Variants in MARK4 observed in about 807,000 individuals in gnomAD.
MARK4 encodes the protein microtubule affinity regulating kinase 4, also known as MAP/microtubule affinity-regulating kinase 4.
Under a neutral mutation model 81.5 loss-of-function variants are expected in MARK4, and 19 were observed. The ratio of observed to expected loss-of-function variants is 0.23; its 90% CI spans 0.16 to 0.34. The LOEUF is 0.34. Among genes scored for constraint, MARK4 ranks in the 10% least tolerant of loss-of-function variants. The pLI is 1.00. For missense variants in MARK4, 772 were observed against 1,058.8 expected, an observed-to-expected ratio of 0.73 and a Z score of 3.76; for synonymous variants, 436 against 439.0, an observed-to-expected ratio of 0.99 and a Z score of 0.08.
chr19:45,277,823 TTGTGTGTGTGTGTGTGTGTGTGTGTGTG>T (rs58592372), intron 8 of MARK4, 72 bp from the exon 9 acceptor site: 8 of 735,558 alleles, frequency 1.1e-5, no homozygotes, highest in Middle Eastern at 4.3e-4. Context: ...GGGACAAAGG[TTGTGTGTGTGTGTGTGTGTGTGTGTGTG>T]TGTGTGTGTG....
In MARK4 at chr19:45,276,397, C is replaced by T. The variant is rs574980210; in HGVS notation, c.787-1526C>T. 2.0e-5 allele frequency among the ~76,000 whole-genome samples: 3 copies of T among 152,262 alleles called. No homozygotes were observed. The South Asian group carries it at 6.2e-4, about 32-fold the overall frequency. ...CAAGCTATGGATTTATCTTATTTTT[C>T]ACAGCTTTGGTAGGGCCTCTCATAA... On this transcript the variant is annotated intron_variant, in intron 8 of 16. Coordinates refer to ENST00000262891, the MANE Select transcript of MARK4 (RefSeq NM_001199867.2).
At chr19:45,262,967 G>A in intron 2 of MARK4, 146 bp from the exon 3 acceptor site, 1 of 863,670 alleles carries the variant, frequency 1.2e-6, no homozygotes, top group East Asian at 2.7e-5. Flanking sequence ...GTTTCGTCGT[G>A]TTGACCAGGC....
chr19:45,287,781 C>A, intron 13 of MARK4, 117 bp downstream of exon 13: 2 of 1,167,130 alleles, frequency 1.7e-6, no homozygotes, highest in Non-Finnish European at 2.5e-6. Flanking sequence ...CTTCTTCTAC[C>A]CATTCATTCA....
chr19:45,285,049 C>T (rs944531737), intron 12 of MARK4, among the ~76,000 whole-genome samples: 1 of 151,998 alleles, frequency 6.6e-6, no homozygotes, highest in Admixed American at 6.6e-5. Context: ...CGAGATTGTG[C>T]CATTGCACTT....
intron 14 of MARK4, among the ~76,000 whole-genome samples, chr19:45,296,158 A>G (rs1028350410): frequency 1.2e-4 from 18 of 152,206 alleles, no homozygotes; most frequent in African/African-American, 3.9e-4. Context: ...ACTGTAGTAC[A>G]TGGCCTTCCA....
chr19:45,287,384 C>T, intron 12 of MARK4, 63 bp from the exon 13 acceptor site: 4 of 1,150,816 alleles, frequency 3.5e-6, no homozygotes, highest in Non-Finnish European at 4.7e-6. Flanking sequence ...TTCCAACGAT[C>T]CCCCAGAGTC....
intron 14 of MARK4, among the ~76,000 whole-genome samples, chr19:45,296,831 C>A (rs1439664260): frequency 6.6e-6 from 1 of 152,162 alleles, no homozygotes; most frequent in Non-Finnish European, 1.5e-5. Context: ...CAGTGGATCA[C>A]CTGAGGTGAG....
At chr19:45,295,915 G>C (rs1259113854) in intron 14 of MARK4, among the ~76,000 whole-genome samples, 1 of 151,978 alleles carries the variant, frequency 6.6e-6, no homozygotes, top group Non-Finnish European at 1.5e-5. Context: ...GCTTTTTTTT[G>C]GTGGTTATCA....
chr19:45,293,162 G>A (rs11083768), intron 13 of MARK4, among the ~76,000 whole-genome samples: 46,277 of 151,896 alleles, frequency 0.3, 7,249 homozygotes, highest in South Asian at 0.38. Flanking sequence ...CCAGCTACTC[G>A]GGAGACTAAG....
At chr19:45,300,259 C>T (rs1970950032) in intron 16 of MARK4, among the ~76,000 whole-genome samples, 1 of 142,930 alleles carries the variant, frequency 7.0e-6, no homozygotes, top group African/African-American at 2.5e-5. Flanking sequence ...GCAGGAGAAT[C>T]GCTTGAACCC....
At chr19:45,278,151 GC>G in intron 9 of MARK4, 109 bp downstream of exon 9, 1 of 1,477,942 alleles carries the variant, frequency 6.8e-7, no homozygotes, top group Non-Finnish European at 9.2e-7. Flanking sequence ...CCTCTCCTGT[GC>G]CCACCGAAGA....
Position 45,297,761 on chromosome 19 carries a change from G to C in MARK4, c.1684G>C (p.Gly562Arg). The change falls in exon 15 of 17, where the codon GGT (glycine) becomes CGT (arginine). Residue 562 changes from glycine to arginine, a missense_variant. Transcript: ENST00000262891. ...AGGGGAGCGGAGCCGCCTGGCACGT[G>C]GTTCCACCATCCGCAGCACCTTCCA... ...PSGERSRLAR[G>R]STIRSTFHGG... is the part of the protein sequence containing the mutation. 1 of 1,579,672 alleles carries C rather than the reference G, an allele frequency of 6.3e-7. No homozygotes were observed. Among genetic ancestry groups the C allele is most frequent in the Non-Finnish European group, 8.6e-7 (1 of 1,166,476 alleles).
intron 7 of MARK4, among the ~76,000 whole-genome samples, chr19:45,270,008 A>T (rs1970504665): frequency 6.6e-6 from 1 of 152,006 alleles, no homozygotes; most frequent in South Asian, 2.1e-4. Flanking sequence ...TTGTATTTTC[A>T]GTAGAGACAG....
At chr19:45,282,900 G>T (rs1207886509) in intron 12 of MARK4, among the ~76,000 whole-genome samples, 1 of 152,038 alleles carries the variant, frequency 6.6e-6, no homozygotes, top group Non-Finnish European at 1.5e-5. Context: ...GCTGAGGTAG[G>T]AAGACCACTT....
chr19:45,254,570 T>C (rs941462850), intron 1 of MARK4, among the ~76,000 whole-genome samples: 5 of 152,232 alleles, frequency 3.3e-5, no homozygotes, highest in Non-Finnish European at 4.4e-5. Flanking sequence ...CCCTGTGACC[T>C]TGGGGGAGGG....
In MARK4 at chr19:45,271,469, C is replaced by A. The variant is rs1970525976; in HGVS notation, c.550-3C>A. On this transcript the variant is annotated splice_region_variant and splice_polypyrimidine_tract_variant and intron_variant, in intron 7 of 16. Coordinates refer to ENST00000262891, the MANE Select transcript of MARK4 (RefSeq NM_001199867.2). This position sits in a 1 kb window ranked among gnomAD's most constrained non-coding sequence, Gnocchi z 4.1. ...TTTCCGCCCTCTCCTTCTCTCCCTG[C>A]AGGCTGAGAACCTCTTGCTGGATGC... The A allele has an allele frequency of 1.2e-6, 2 of 1,613,638 alleles. No homozygotes were observed. Among genetic ancestry groups the A allele is most frequent in the African/African-American group, 1.3e-5 (1 of 74,934 alleles).
intron 16 of MARK4, among the ~76,000 whole-genome samples, chr19:45,300,143 G>GT (rs1970948398): frequency 6.6e-6 from 1 of 152,190 alleles, no homozygotes; most frequent in African/African-American, 2.4e-5. Flanking sequence ...GAGGTCGGGA[G>GT]TTTGAGACCA....
rs553506477 is a variant in MARK4 at position 45,268,479 on chromosome 19, G to C, written c.549+2198G>C. Among the ~76,000 whole-genome samples the C allele has an allele frequency of 2.6e-5, 4 of 151,826 alleles. No individual in the cohort carries two copies. In the South Asian group the frequency reaches 8.3e-4, roughly 32 times the overall value. ...CGTGCCTATAATTCCAGCTGCTTGAGAGGCTGAGACATGAGAATTGCTTGA... is the reference window on the plus strand; with the variant it reads ...CGTGCCTATAATTCCAGCTGCTTGACAGGCTGAGACATGAGAATTGCTTGA... On this transcript the variant is annotated intron_variant, in intron 7 of 16. Transcript: ENST00000262891.
chr19:45,294,361 C>T lies in MARK4; in HGVS notation c.1507C>T (p.Pro503Ser), dbSNP rs1170896099. 2 of 1,614,084 alleles carry T rather than the reference C, an allele frequency of 1.2e-6. No individual in the cohort carries two copies. The highest frequency in any genetic ancestry group is 1.7e-6 in the Non-Finnish European group (2 of 1,180,006). The change falls in exon 14 of 17, where the codon CCT (proline) becomes TCT (serine). Residue 503 changes from proline (P) to serine (S), a missense_variant. Coordinates refer to ENST00000262891, the MANE Select transcript of MARK4 (RefSeq NM_001199867.2). ...GTGTCTCCTGCAGAACAACCTCCCT[C>T]CTAGCATGATGACCCGCAGAAACAC... Reference protein sequence around the residue: ...DSTSTPNNLPPSMMTRRNTYV... With the variant: ...DSTSTPNNLPSSMMTRRNTYV...
Sources: gnomAD v4.1 joint callset for allele counts (sites outside exome capture counted in the v4.1 genomes callset) on GRCh38, gnomAD v4.1.1 for gene constraint, Gnocchi (gnomAD v3.1) non-coding constraint, MANE v1.5 for transcripts, NCBI Gene and HGNC (gene_info 2026-07-23, HGNC 2026-07-21) for gene names.